Variants in CLTB observed in about 807,000 individuals in gnomAD.
CLTB encodes the protein clathrin, light chain (Lcb).
Under a neutral mutation model 30.5 loss-of-function variants are expected in CLTB, and 10 were observed. That is an observed-to-expected ratio of 0.33 (90% CI 0.20 to 0.56). The LOEUF (loss-of-function observed/expected upper bound fraction) is 0.56, where lower values mean the gene tolerates loss of function less well. Among genes scored for constraint, CLTB ranks in the 20% least tolerant of loss-of-function variants. The probability of loss-of-function intolerance (pLI) is 0.91; values close to 1 mark genes in which losing one functional copy is unlikely to be tolerated. For synonymous variants in CLTB, 102 were observed against 120.3 expected, an observed-to-expected ratio of 0.85 and a Z score of 1.00; for missense variants, 261 against 308.3, an observed-to-expected ratio of 0.85 and a Z score of 1.15.
rs187290561 is a variant in CLTB, at chr5:176,393,627, G to A, written c.519-682C>T. Among the ~76,000 whole-genome samples the A allele has an allele frequency of 5.3e-3, 804 of 152,246 alleles. 5 individuals are homozygous for A. The highest frequency in any genetic ancestry group is 0.018 in the African/African-American group (764 of 41,548). ...TCACCACAGAGCCCTTTGTAGCCCA[G>A]AACCACCACTGTCTCTGAGGAGCCA... On this transcript the variant is annotated intron_variant, in intron 5 of 5. Transcript: ENST00000310418. This position sits in a 1 kb window ranked among gnomAD's most constrained non-coding sequence, Gnocchi z 4.4.
chr5:176,409,977 T>C (rs11959740), intron 2 of CLTB, among the ~76,000 whole-genome samples: 71,478 of 151,968 alleles, frequency 0.47, 17,572 homozygotes, highest in African/African-American at 0.62. Context: ...CATCTCATGC[T>C]GCTGTGGGCC....
rs1216104150 is a variant in CLTB, at chr5:176,393,061, GC to G, written c.519-117del. Reference sequence around the variant, plus strand: ...GGCACTGTGTCCTCCCCAGCCTTGTGCCCCCCTGACTTCAGAGGAGGGCAGC... The same window carrying G: ...GGCACTGTGTCCTCCCCAGCCTTGTGCCCCCTGACTTCAGAGGAGGGCAGC... On this transcript the variant is annotated intron_variant, in intron 5 of 5. Coordinates refer to ENST00000310418, the MANE Select transcript of CLTB (RefSeq NM_007097.5). This position sits in a 1 kb window ranked among gnomAD's most constrained non-coding sequence, Gnocchi z 4.4. The G allele has an allele frequency of 1.2e-5, 14 of 1,198,392 alleles. No individual in the cohort carries two copies. In the Admixed American group the frequency reaches 1.5e-4, roughly 13 times the overall value. 74.2% of individuals were successfully genotyped at this position (1,198,392 alleles called of 1,614,324 possible).
chr5:176,405,962 G>C (rs904567530), intron 2 of CLTB: 75 of 170,432 alleles, frequency 4.4e-4, no homozygotes, highest in African/African-American at 1.8e-3. Flanking sequence ...CGGTGTGGCA[G>C]GGCCCCACAC....
At chr5:176,411,048 G>A (rs1330181419) in intron 1 of CLTB, among the ~76,000 whole-genome samples, 1 of 152,206 alleles carries the variant, frequency 6.6e-6, no homozygotes, top group Non-Finnish European at 1.5e-5. Flanking sequence ...CAACTGCTTT[G>A]CCCGCTAGGG....
chr5:176,401,255 G>A (rs528050421), intron 2 of CLTB, among the ~76,000 whole-genome samples: 2 of 152,324 alleles, frequency 1.3e-5, no homozygotes, highest in African/African-American at 4.8e-5. Flanking sequence ...CTGTTACTTT[G>A]TGTATATGGG....
At chr5:176,410,225 C>A in intron 2 of CLTB, 32 bp downstream of exon 2, 1 of 1,608,048 alleles carries the variant, frequency 6.2e-7, no homozygotes, top group South Asian at 1.1e-5. Context: ...GGCTGTTGGT[C>A]CTTACCACTG....
At chr5:176,400,957 G>A (rs1021058593) in intron 2 of CLTB, among the ~76,000 whole-genome samples, 1 of 152,226 alleles carries the variant, frequency 6.6e-6, no homozygotes, top group Non-Finnish European at 1.5e-5. Context: ...TGCCTGGGGA[G>A]TGAGGGAAGG....
intron 2 of CLTB, among the ~76,000 whole-genome samples, chr5:176,408,227 C>CT (rs548324556): frequency 0.2 from 28,732 of 144,054 alleles, 2,723 homozygotes; most frequent in South Asian, 0.28. Flanking sequence ...GGGTTTTCCT[C>CT]TTTTTTTTTT....
At chr5:176,405,625 T>C (rs1376241556) in intron 2 of CLTB, 3 of 151,838 alleles carry the variant, frequency 2.0e-5, no homozygotes, top group Non-Finnish European at 4.4e-5. Flanking sequence ...TAAAAGAATG[T>C]GCACTGACCA....
intron 1 of CLTB, among the ~76,000 whole-genome samples, chr5:176,413,129 G>C (rs908522100): frequency 2.0e-5 from 3 of 152,138 alleles, no homozygotes; most frequent in African/African-American, 7.2e-5. Flanking sequence ...CCAAGTACCT[G>C]TTCCCACAGT....
chr5:176,405,031 C>T (rs186812890), intron 2 of CLTB, among the ~76,000 whole-genome samples: 1 of 152,354 alleles, frequency 6.6e-6, no homozygotes, highest in Admixed American at 6.5e-5. Flanking sequence ...ACCAACATCA[C>T]AGGGAGTTGG....
rs1392777312 is a variant in CLTB at position 176,396,452 on chromosome 5, C to T, written c.518+27G>A. 3 of 1,601,934 alleles carry T rather than the reference C, an allele frequency of 1.9e-6. No individual in the cohort carries two copies. In the Admixed American group the frequency reaches 5.0e-5, roughly 27 times the overall value. ...GTGGCCATTCCCTCTCTAGCTCCCC[C>T]AACAGAGAAGCAAAACAGACACGTA... On this transcript the variant is annotated intron_variant, in intron 5 of 5. Transcript: ENST00000310418.
In CLTB at chr5:176,393,932, C is replaced by T. The variant is rs755647386; in HGVS notation, c.519-987G>A. 1.3e-5 allele frequency among the ~76,000 whole-genome samples: 2 copies of T among 152,236 alleles called. No homozygotes were observed. Among genetic ancestry groups the T allele is most frequent in the Non-Finnish European group, 2.9e-5 (2 of 68,046 alleles). On this transcript the variant is annotated intron_variant, in intron 5 of 5. Coordinates refer to ENST00000310418, the MANE Select transcript of CLTB (RefSeq NM_007097.5). This position sits in a 1 kb window ranked among gnomAD's most constrained non-coding sequence, Gnocchi z 4.4. ...AAGTCCCTGGAAGCCCCCTCTCCAT[C>T]TCAAGCAGGACCAGTTCTGCCGATG... is the stretch of plus-strand genomic sequence containing the variant.
At chr5:176,411,209 T>G (rs1329702953) in intron 1 of CLTB, among the ~76,000 whole-genome samples, 1 of 152,244 alleles carries the variant, frequency 6.6e-6, no homozygotes, top group Non-Finnish European at 1.5e-5. Context: ...AACGACTGCA[T>G]GGCTTTTGCC....
chr5:176,404,005 T>A (rs368415045), intron 2 of CLTB, among the ~76,000 whole-genome samples: 18 of 152,284 alleles, frequency 1.2e-4, no homozygotes, highest in African/African-American at 4.3e-4. Flanking sequence ...TCTGCCTGCC[T>A]CAGCCTCCCA....
chr5:176,398,127 C>A, intron 2 of CLTB, 80 bp from the exon 3 acceptor site: 6 of 1,308,512 alleles, frequency 4.6e-6, no homozygotes, highest in Non-Finnish European at 6.6e-6. Flanking sequence ...GGGACCCACT[C>A]ATGTCTGGAT....
chr5:176,392,735 G>A lies in CLTB; in HGVS notation c.*39C>T. ...AAGCAGCTGCTCCTCCTGTGCCCAG[G>A]CCCAGCCCATGCTCTGTGGCCATGC... On this transcript the variant is annotated 3_prime_UTR_variant, in exon 6 of 6. Coordinates refer to ENST00000310418, the MANE Select transcript of CLTB (RefSeq NM_007097.5). This position sits in a 1 kb window ranked among gnomAD's most constrained non-coding sequence, Gnocchi z 5.2. 1.2e-6 allele frequency: 2 copies of A among 1,608,642 alleles called. No homozygotes were observed. Among genetic ancestry groups the A allele is most frequent in the East Asian group, 2.2e-5 (1 of 44,822 alleles).
intron 2 of CLTB, among the ~76,000 whole-genome samples, chr5:176,405,196 A>T (rs1757040584): frequency 6.6e-6 from 1 of 152,114 alleles, no homozygotes. Context: ...CTTCTATTAG[A>T]AGCGAGTTTG....
chr5:176,413,771 C>A (rs925642095), intron 1 of CLTB, among the ~76,000 whole-genome samples: 1 of 152,216 alleles, frequency 6.6e-6, no homozygotes, highest in Non-Finnish European at 1.5e-5. Flanking sequence ...TCAATTCTAG[C>A]CCATCTGGCC....
Sources: allele counts gnomAD v4.1 joint callset (sites outside exome capture counted in the v4.1 genomes callset), GRCh38; gene constraint gnomAD v4.1.1; non-coding constraint Gnocchi (gnomAD v3.1); transcripts MANE v1.5; gene names NCBI Gene and HGNC (gene_info 2026-07-23, HGNC 2026-07-21).